The following ELOVL4 variants were observed in gnomAD, a reference collection of about 807,000 sequenced individuals.
The protein encoded by ELOVL4 is ELOVL fatty acid elongase 4, also known as very long chain fatty acid elongase 4.
A neutral mutation model predicts 42.1 loss-of-function variants in ELOVL4; 18 were observed. That is an observed-to-expected ratio of 0.43 (90% CI 0.30 to 0.63). The LOEUF (loss-of-function observed/expected upper bound fraction) is 0.63. Ranked by LOEUF, ELOVL4 falls within the 30% of genes least tolerant of loss-of-function variation. The pLI, the probability that ELOVL4 is intolerant of heterozygous loss-of-function variation, is 0.15. For synonymous variants in ELOVL4, 117 were observed against 127.0 expected (o/e 0.92, Z 0.53); for missense variants, 299 against 376.2 (o/e 0.79, Z 1.70).
intron 5 of ELOVL4, among the ~76,000 whole-genome samples, chr6:79,918,704 T>G (rs1774200294): frequency 6.6e-6 from 1 of 152,222 alleles, no homozygotes; most frequent in African/African-American, 2.4e-5. Flanking sequence ...AGTTACCAGG[T>G]TGGCTTTGAA....
intron 4 of ELOVL4, among the ~76,000 whole-genome samples, chr6:79,920,040 A>G (rs771319941): frequency 6.6e-6 from 1 of 152,228 alleles, no homozygotes; most frequent in Non-Finnish European, 1.5e-5. Context: ...ACTCAATGAC[A>G]TTCTTTCTTT....
intron 3 of ELOVL4, among the ~76,000 whole-genome samples, chr6:79,923,012 G>A (rs1774284011): frequency 6.6e-6 from 1 of 152,038 alleles, no homozygotes; most frequent in Non-Finnish European, 1.5e-5. Flanking sequence ...TTAAAATAAA[G>A]TAACTGTCAC....
At chr6:79,920,128 T>G (rs343619) in intron 4 of ELOVL4, among the ~76,000 whole-genome samples, 10,893 of 152,254 alleles carry the variant, frequency 0.072, 1,266 homozygotes, top group African/African-American at 0.25. Flanking sequence ...TCAGTTCAGA[T>G]TTACTAATTT....
At chr6:79,943,781 C>T (rs1774689177) in intron 1 of ELOVL4, among the ~76,000 whole-genome samples, 1 of 152,172 alleles carries the variant, frequency 6.6e-6, no homozygotes, top group African/African-American at 2.4e-5. Flanking sequence ...AGCCTGGCTT[C>T]CACATTTCGT....
rs1561982170 is a variant in ELOVL4 at position 79,916,795 on chromosome 6, G to A, written c.758C>T (p.Ala253Val). 6.2e-7 allele frequency: 1 copy of A among 1,614,186 alleles called. No homozygotes were observed. Among genetic ancestry groups the A allele is most frequent in the Admixed American group, 1.7e-5 (1 of 60,026 alleles). Residue 253 changes from alanine (A) to valine (V), a missense_variant, in exon 6 of 6, where the codon GCC (alanine) becomes GTC (valine). Transcript: ENST00000369816. ...FPKWMHWALI[A>V]YAISFIFLFL... is the part of the protein sequence containing the mutation. ...GAGAAATATGAAGCTGATTGCATAG[G>A]CAATTAGAGCCCAGTGCATCCATTT...
intron 1 of ELOVL4, among the ~76,000 whole-genome samples, chr6:79,939,413 ACT>A (rs1296676994): frequency 6.6e-6 from 1 of 151,914 alleles, no homozygotes; most frequent in East Asian, 1.9e-4. Flanking sequence ...AAAAACTGAA[ACT>A]CTATACCTAT....
At chr6:79,921,911 ATG>A in intron 3 of ELOVL4, 115 bp from the exon 4 acceptor site, 1 of 1,022,414 alleles carries the variant, frequency 9.8e-7, no homozygotes, top group South Asian at 1.4e-5. Flanking sequence ...TGTACAAGGC[ATG>A]GAATCATTAA....
Position 79,916,554 on chromosome 6 carries a change from A to T in ELOVL4, c.*54T>A. ...TTGCTTCTGTTTTCCCTGAAATTTTATATGATATGGGAGTTTTTCCTCACT... is the reference window on the plus strand; with the variant it reads ...TTGCTTCTGTTTTCCCTGAAATTTTTTATGATATGGGAGTTTTTCCTCACT... On this transcript the variant is annotated 3_prime_UTR_variant, in exon 6 of 6. Transcript: ENST00000369816. The T allele has an allele frequency of 6.2e-7, 1 of 1,606,798 alleles. No individual in the cohort carries two copies. Among genetic ancestry groups the T allele is most frequent in the Non-Finnish European group, 8.5e-7 (1 of 1,176,048 alleles).
At chr6:79,919,347 G>C (rs754420010) in intron 5 of ELOVL4, 73 bp downstream of exon 5, 3 of 1,518,766 alleles carry the variant, frequency 2.0e-6, no homozygotes, top group Non-Finnish European at 2.7e-6. Context: ...AAATGACATT[G>C]CACTTTAAAA....
At chr6:79,932,525 C>CAGAG (rs138640852) in intron 1 of ELOVL4, among the ~76,000 whole-genome samples, 1 of 146,420 alleles carries the variant, frequency 6.8e-6, no homozygotes. Flanking sequence ...GCCTGGGTGA[C>CAGAG]AGAGAGAGAG....
chr6:79,944,987 CAAAA>C lies in ELOVL4; in HGVS notation c.100+2189_100+2192del, dbSNP rs200726708. ...GGAATCAGAGCAGAGTGAATGAGTC[CAAAA>C]AAAAAAAAAAAAAAAAAAAAGGAAC... On this transcript the variant is annotated intron_variant, in intron 1 of 5. Transcript: ENST00000369816. 6.0e-3 allele frequency among the ~76,000 whole-genome samples: 559 copies of C among 92,934 alleles called. 3 individuals are homozygous for C. Among genetic ancestry groups the C allele is most frequent in the African/African-American group, 0.018 (525 of 28,908 alleles). 61.0% of individuals were successfully genotyped at this position (92,934 alleles called of 152,430 possible).
chr6:79,935,264 T>C (rs1358749744), intron 1 of ELOVL4, among the ~76,000 whole-genome samples: 1 of 152,270 alleles, frequency 6.6e-6, no homozygotes, highest in East Asian at 1.9e-4. Flanking sequence ...TTTTCTGATT[T>C]CTTTTAAAGC....
At chr6:79,927,911 A>C (rs1774370846) in intron 1 of ELOVL4, among the ~76,000 whole-genome samples, 1 of 152,190 alleles carries the variant, frequency 6.6e-6, no homozygotes, top group African/African-American at 2.4e-5. Flanking sequence ...CACAAGGAGG[A>C]AATGACTTAA....
intron 1 of ELOVL4, among the ~76,000 whole-genome samples, chr6:79,944,087 T>C (rs564207045): frequency 2.6e-5 from 4 of 152,140 alleles, no homozygotes; most frequent in Middle Eastern, 3.4e-3. Context: ...TCCTACTAAC[T>C]CTCTAGGGTG....
intron 3 of ELOVL4, 142 bp from the exon 4 acceptor site, chr6:79,921,938 T>G: frequency 1.3e-6 from 1 of 793,060 alleles, no homozygotes; most frequent in East Asian, 2.7e-5. Context: ...TAAGTAGGTT[T>G]GAAAAACCTA....
In ELOVL4 at chr6:79,947,105, C is replaced by A; in HGVS notation, c.100+75G>T. The A allele has an allele frequency of 5.5e-6, 7 of 1,267,044 alleles. No individual in the cohort carries two copies. In the Middle Eastern group the frequency reaches 1.1e-3, roughly 194 times the overall value. The allele number at this position is 1,267,044 out of a possible 1,614,324, so 78.5% of individuals were successfully genotyped here. A position where few individuals can be genotyped will look rare whatever the true frequency, so the allele number is the denominator to read the frequency against. On this transcript the variant is annotated intron_variant, in intron 1 of 5. Coordinates refer to ENST00000369816, the MANE Select transcript of ELOVL4 (RefSeq NM_022726.4). Reference sequence around the variant, plus strand: ...GGCGCGGGGGCCTGTGGGGCCGGGCCCGGGAGCTGCGAGACCAGGGGCCGG... The same window carrying A: ...GGCGCGGGGGCCTGTGGGGCCGGGCACGGGAGCTGCGAGACCAGGGGCCGG...
At chr6:79,916,970 C>A in intron 5 of ELOVL4, 87 bp from the exon 6 acceptor site, 2 of 1,537,892 alleles carry the variant, frequency 1.3e-6, no homozygotes, top group African/African-American at 1.4e-5. Context: ...ATAGCTATCA[C>A]AGGCCCAAAT....
intron 1 of ELOVL4, among the ~76,000 whole-genome samples, chr6:79,928,636 T>TA (rs1561986452): frequency 2.1e-5 from 3 of 143,058 alleles, no homozygotes; most frequent in African/African-American, 7.8e-5. Context: ...TAGAGGCCAA[T>TA]AGAAGAGTAA....
chr6:79,932,899 T>C (rs1395212324), intron 1 of ELOVL4, among the ~76,000 whole-genome samples: 1 of 151,790 alleles, frequency 6.6e-6, no homozygotes, highest in East Asian at 1.9e-4. Flanking sequence ...GAACTTTTTT[T>C]CAAAGAAGAG....
Sources: allele counts gnomAD v4.1 joint callset (sites outside exome capture counted in the v4.1 genomes callset), GRCh38; gene constraint gnomAD v4.1.1; transcripts MANE v1.5; gene names NCBI Gene and HGNC (gene_info 2026-07-23, HGNC 2026-07-21).